SPACA5: variants seen among roughly 807,000 people sequenced by gnomAD.
SPACA5 encodes sperm acrosome associated 5, also known as sperm acrosome-associated protein 5.
At chrX:48,004,571 G>A (rs2058992471), upstream of SPACA5, among the ~76,000 whole-genome samples, 1 of 44,023 alleles carries the variant, frequency 2.3e-5, no homozygotes. Flanking sequence ...ATATTAAGTG[G>A]TGGCTAACAG....
chrX:48,006,036 T>G, upstream of SPACA5, among the ~76,000 whole-genome samples: 1 of 99,817 alleles, frequency 1.0e-5, no homozygotes, highest in African/African-American at 3.6e-5. Flanking sequence ...AAATTGGGAG[T>G]AAATGAGAGC....
At chrX:48,006,290 G>A (rs2058995871), upstream of SPACA5, among the ~76,000 whole-genome samples, 1 of 113,731 alleles carries the variant, frequency 8.8e-6, no homozygotes, top group Admixed American at 9.2e-5. Context: ...TGTGAGTACT[G>A]AGGATTAGAG....
chrX:48,006,471 G>T (rs1393796918), upstream of SPACA5, among the ~76,000 whole-genome samples: 1 of 114,941 alleles, frequency 8.7e-6, no homozygotes, highest in Admixed American at 9.1e-5. Flanking sequence ...AGCAGGCCGA[G>T]TTTGAGTGTG....
chrX:48,005,865 C>T (rs2058994607), upstream of SPACA5, among the ~76,000 whole-genome samples: 1 of 104,549 alleles, frequency 9.6e-6, no homozygotes. Flanking sequence ...TGCTTCCCTC[C>T]TCTTGAAGCC....
upstream of SPACA5, among the ~76,000 whole-genome samples, chrX:48,006,397 G>T (rs1314175333): frequency 3.5e-5 from 4 of 114,993 alleles, no homozygotes; most frequent in Non-Finnish European, 7.4e-5. Flanking sequence ...GGGATGGAAA[G>T]GGAAGAATGG....
upstream of SPACA5, chrX:48,004,367 G>C (rs2058991697): frequency 9.5e-6 from 1 of 105,791 alleles, no homozygotes; most frequent in Non-Finnish European, 1.9e-5. Context: ...GTAAAATAAC[G>C]GGAAGGCGGG....
upstream of SPACA5, chrX:48,004,530 T>C (rs1556902451): frequency 1.6e-5 from 1 of 60,813 alleles, no homozygotes; most frequent in Admixed American, 2.1e-4. Flanking sequence ...TAAACGGCGA[T>C]GTGGGACACA....
At chrX:48,006,132 T>C (rs1348598841), upstream of SPACA5, among the ~76,000 whole-genome samples, 1 of 111,702 alleles carries the variant, frequency 9.0e-6, no homozygotes, top group African/African-American at 3.2e-5. Flanking sequence ...TGACTATGCA[T>C]GCATTCAATT....
chrX:48,006,339 G>T (rs2146480851), upstream of SPACA5, among the ~76,000 whole-genome samples: 1 of 114,816 alleles, frequency 8.7e-6, no homozygotes, highest in East Asian at 2.7e-4. Context: ...CAAGATGAAT[G>T]AAGAGAGGGG....
chrX:48,006,411 G>A (rs1159293295), upstream of SPACA5, among the ~76,000 whole-genome samples: 19 of 114,950 alleles, frequency 1.7e-4, no homozygotes, highest in African/African-American at 5.7e-4. Flanking sequence ...AGAATGGGGT[G>A]CGGGAGGGAC....
chrX:48,006,824 A>G (rs1471568785), upstream of SPACA5, among the ~76,000 whole-genome samples: 1 of 31,230 alleles, frequency 3.2e-5, no homozygotes, highest in Non-Finnish European at 6.7e-5. Flanking sequence ...GCAGAATGGC[A>G]GCCATGAATC....
upstream of SPACA5, chrX:48,004,526 GCGATGTGGGACACACA>G (rs781934758): frequency 6.7e-3 from 424 of 63,700 alleles, 7 homozygotes; most frequent in African/African-American, 0.026. Flanking sequence ...AAAATAAACG[GCGATGTGGGACACACA>G]CACCGGGGGT....
upstream of SPACA5, among the ~76,000 whole-genome samples, chrX:48,006,728 G>A (rs1251157352): frequency 1.2e-5 from 1 of 81,289 alleles, no homozygotes; most frequent in African/African-American, 4.5e-5. Flanking sequence ...GGCCTCGGGT[G>A]AGTAAAGCGA....
upstream of SPACA5, among the ~76,000 whole-genome samples, chrX:48,006,316 G>A (rs2058995957): frequency 8.7e-6 from 1 of 114,428 alleles, no homozygotes; most frequent in Non-Finnish European, 1.9e-5. Flanking sequence ...ATGAATGGTG[G>A]TTTTATGAGG....
chrX:48,005,860 C>T, upstream of SPACA5, among the ~76,000 whole-genome samples: 1 of 103,813 alleles, frequency 9.6e-6, no homozygotes, highest in African/African-American at 3.5e-5. Context: ...GAATCTGCTT[C>T]CCTCCTCTTG....
chrX:48,006,808 T>C, upstream of SPACA5, among the ~76,000 whole-genome samples: 1 of 35,671 alleles, frequency 2.8e-5, no homozygotes, highest in South Asian at 1.4e-3. Context: ...ATGCGGGTAC[T>C]GGGAGGCAGA....
chrX:48,004,633 G>A (rs2058992602), upstream of SPACA5, among the ~76,000 whole-genome samples: 1 of 19,238 alleles, frequency 5.2e-5, no homozygotes, highest in Non-Finnish European at 9.9e-5. Context: ...AGTGTAGGGG[G>A]TGTAGGCTGG....
chrX:48,006,704 G>A (rs1369973462), upstream of SPACA5, among the ~76,000 whole-genome samples: 2 of 88,894 alleles, frequency 2.2e-5, no homozygotes, highest in Non-Finnish European at 4.5e-5. Flanking sequence ...GCAGAGAGTG[G>A]ATGAAGGCTT....
At chrX:48,005,895 T>C (rs1285919239), upstream of SPACA5, among the ~76,000 whole-genome samples, 2 of 107,884 alleles carry the variant, frequency 1.9e-5, no homozygotes, top group Admixed American at 2.0e-4. Context: ...TGTGGTGGGG[T>C]TGGTGCGTGC....
Sources: gnomAD v4.1 joint callset for allele counts (sites outside exome capture counted in the v4.1 genomes callset) on GRCh38, gnomAD v4.1.1 for gene constraint, MANE v1.5 for transcripts, NCBI Gene and HGNC (gene_info 2026-07-23, HGNC 2026-07-21) for gene names.